The following CSMD1 variants were observed in gnomAD, a reference collection of about 807,000 sequenced individuals.
CSMD1 encodes the protein CUB and sushi domain-containing protein 1.
In CSMD1, 213 loss-of-function variants were observed where a neutral mutation model predicts 417.5. The observed-to-expected ratio is 0.51, with a 90% CI of 0.46 to 0.57. The LOEUF is 0.57. Among genes scored for constraint, CSMD1 ranks in the 20% least tolerant of loss-of-function variants. CSMD1 has a pLI of 0.00. For synonymous variants in CSMD1, 2,862 were observed against 1,736.8 expected, an observed-to-expected ratio of 1.65 and a Z score of -16.11; for missense variants, 6,923 against 4,529.7, an observed-to-expected ratio of 1.53 and a Z score of -15.17.
intron 2 of CSMD1, among the ~76,000 whole-genome samples, chr8:4,465,425 G>C (rs921030782): frequency 2.0e-5 from 3 of 152,062 alleles, no homozygotes; most frequent in Non-Finnish European, 2.9e-5. Flanking sequence ...AGCCTTGTAC[G>C]TTCACCATTG....
At chr8:4,590,929 G>A (rs1013355570) in intron 2 of CSMD1, among the ~76,000 whole-genome samples, 1 of 152,176 alleles carries the variant, frequency 6.6e-6, no homozygotes, top group Non-Finnish European at 1.5e-5. Context: ...CAGGCCTTCT[G>A]AGCTCTGCTG....
chr8:3,029,451 C>G lies in CSMD1; in HGVS notation c.7723G>C (p.Gly2575Arg). The change falls in exon 51 of 70, where the codon GGA (glycine) becomes CGA (arginine). Residue 2575 changes from glycine to arginine, a missense_variant. Transcript: ENST00000635120. ...SEHVIWRLVSGSLNEYGAQVL... is the reference protein window; with the variant it reads ...SEHVIWRLVSRSLNEYGAQVL... The stretch of plus-strand genomic sequence containing the variant: ...TGAGCACCGTACTCATTCAAGGATC[C>G]TGAAACCAGCCTCCAGATGACATGT... 1 of 1,608,988 alleles carries G rather than the reference C, an allele frequency of 6.2e-7. No homozygotes were observed. The highest frequency in any genetic ancestry group is 8.5e-7 in the Non-Finnish European group (1 of 1,177,846).
rs188056846 is a variant in CSMD1, at chr8:4,513,004, G to T, written c.303-92939C>A. On this transcript the variant is annotated intron_variant, in intron 2 of 69. Coordinates refer to ENST00000635120, the MANE Select transcript of CSMD1 (RefSeq NM_033225.6). ...AGTGATTGCCAGGAGTTGAGGGAGAGAAGGATTAATAAGCAGAGCACAGAT... is the reference window on the plus strand; with the variant it reads ...AGTGATTGCCAGGAGTTGAGGGAGATAAGGATTAATAAGCAGAGCACAGAT... 4.2e-3 allele frequency among the ~76,000 whole-genome samples: 644 copies of T among 152,248 alleles called. 3 individuals carry two copies. Among genetic ancestry groups the T allele is most frequent in the Admixed American group, 7.7e-3 (118 of 15,268 alleles).
chr8:3,219,018 A>G (rs1798047450), intron 29 of CSMD1, among the ~76,000 whole-genome samples: 1 of 152,210 alleles, frequency 6.6e-6, no homozygotes, highest in African/African-American at 2.4e-5. Flanking sequence ...TTATTTTTAT[A>G]TGGCCATGAA....
At chr8:4,022,521 G>C (rs1451423716) in intron 4 of CSMD1, among the ~76,000 whole-genome samples, 1 of 152,200 alleles carries the variant, frequency 6.6e-6, no homozygotes, top group Non-Finnish European at 1.5e-5. Context: ...GAAAGCATTT[G>C]AGGTGAAACT....
chr8:3,427,061 A>G (rs1363308982), intron 12 of CSMD1, among the ~76,000 whole-genome samples: 1 of 152,196 alleles, frequency 6.6e-6, no homozygotes, highest in African/African-American at 2.4e-5. Context: ...CTCACTCACT[A>G]TCACGACAGC....
rs533047139 is a variant in CSMD1 at position 3,440,309 on chromosome 8, CT to C, written c.1561+28402del. Among the ~76,000 whole-genome samples, 132 of 152,204 alleles carry C rather than the reference CT, an allele frequency of 8.7e-4. 1 individual carries two copies. The South Asian group carries it at 0.025, about 29-fold the overall frequency. On this transcript the variant is annotated intron_variant, in intron 12 of 69. Coordinates refer to ENST00000635120, the MANE Select transcript of CSMD1 (RefSeq NM_033225.6). ...ACTATATCTCTCTACTTATTTTGAT[CT>C]TTGGTTTCTTTCAATAGCATTGTAT... is the stretch of plus-strand genomic sequence containing the variant.
At chr8:3,096,361 CT>C (rs1020456770) in intron 47 of CSMD1, among the ~76,000 whole-genome samples, 34 of 149,472 alleles carry the variant, frequency 2.3e-4, no homozygotes, top group African/African-American at 8.2e-4. Flanking sequence ...GTGGGTGGGT[CT>C]TTCCCATGCT....
intron 2 of CSMD1, among the ~76,000 whole-genome samples, chr8:4,524,148 C>A (rs895357207): frequency 6.6e-6 from 1 of 151,610 alleles, no homozygotes; most frequent in African/African-American, 2.4e-5. Flanking sequence ...CAGACCTATG[C>A]ATCATATTTG....
chr8:3,246,033 C>T (rs1392412502), intron 26 of CSMD1, among the ~76,000 whole-genome samples: 1 of 152,166 alleles, frequency 6.6e-6, no homozygotes, highest in Non-Finnish European at 1.5e-5. Context: ...CCCCAACGCA[C>T]TTGCCCGAAC....
intron 3 of CSMD1, among the ~76,000 whole-genome samples, chr8:4,107,396 T>G (rs17332636): frequency 6.6e-6 from 1 of 152,126 alleles, no homozygotes; most frequent in Non-Finnish European, 1.5e-5. Context: ...CAAAAATCAC[T>G]CGCTCCACAG....
At chr8:4,540,467 G>A (rs986245596) in intron 2 of CSMD1, among the ~76,000 whole-genome samples, 23 of 152,292 alleles carry the variant, frequency 1.5e-4, no homozygotes, top group Non-Finnish European at 1.8e-4. Context: ...CTTAGGGGAG[G>A]CTGAGGCAGG....
At chr8:3,563,889 A>T (rs1799582075) in intron 10 of CSMD1, among the ~76,000 whole-genome samples, 1 of 152,100 alleles carries the variant, frequency 6.6e-6, no homozygotes, top group South Asian at 2.1e-4. Flanking sequence ...ACTCCGTCTC[A>T]AAAAAACAAA....
chr8:4,807,924 C>T (rs1205527349), intron 1 of CSMD1, among the ~76,000 whole-genome samples: 1 of 152,154 alleles, frequency 6.6e-6, no homozygotes, highest in Non-Finnish European at 1.5e-5. Context: ...CTTTCTACTG[C>T]TTTTCTAAAT....
chr8:3,386,128 G>C (rs1048913036), intron 18 of CSMD1, among the ~76,000 whole-genome samples: 1 of 152,154 alleles, frequency 6.6e-6, no homozygotes, highest in African/African-American at 2.4e-5. Context: ...GACAAATGGA[G>C]TTGATGTATT....
chr8:4,393,704 T>C (rs1804015915), intron 3 of CSMD1, among the ~76,000 whole-genome samples: 1 of 152,186 alleles, frequency 6.6e-6, no homozygotes. Context: ...AACCTGGAAC[T>C]CCAGGAGCAG....
chr8:4,211,167 A>G (rs539200897), intron 3 of CSMD1, among the ~76,000 whole-genome samples: 1 of 151,876 alleles, frequency 6.6e-6, no homozygotes, highest in African/African-American at 2.4e-5. Context: ...TCCAGGAAAA[A>G]CATCCTTGTA....
intron 3 of CSMD1, among the ~76,000 whole-genome samples, chr8:4,378,497 T>C (rs1428058770): frequency 6.6e-6 from 1 of 152,232 alleles, no homozygotes; most frequent in African/African-American, 2.4e-5. Flanking sequence ...TTTATCTCTC[T>C]CTCTCTCTTT....
intron 47 of CSMD1, among the ~76,000 whole-genome samples, chr8:3,094,261 G>T (rs1255734818): frequency 6.6e-6 from 1 of 151,784 alleles, no homozygotes; most frequent in African/African-American, 2.4e-5. Flanking sequence ...GCCTGCCACC[G>T]CGCCCAGCTA....
Sources: allele counts gnomAD v4.1 joint callset (sites outside exome capture counted in the v4.1 genomes callset), GRCh38; gene constraint gnomAD v4.1.1; transcripts MANE v1.5; gene names NCBI Gene and HGNC (gene_info 2026-07-23, HGNC 2026-07-21).